NHLH2: variants seen among roughly 807,000 people sequenced by gnomAD.
The protein encoded by NHLH2 is helix-loop-helix protein 2.
NHLH2 carries 7 observed loss-of-function variants against 7.3 expected under a neutral mutation model. That is an observed-to-expected ratio of 0.96 (90% CI 0.55 to 1.81). NHLH2 has a LOEUF of 1.81. NHLH2 is among the 40% of genes most tolerant of loss of function. The pLI is 0.00. For missense variants in NHLH2, 155 were observed against 194.0 expected, an observed-to-expected ratio of 0.80 and a Z score of 1.19; for synonymous variants, 93 against 91.6, an observed-to-expected ratio of 1.01 and a Z score of -0.09.
chr1:115,831,787 T>C (rs1404481866), downstream of NHLH2, among the ~76,000 whole-genome samples: 2 of 152,038 alleles, frequency 1.3e-5, no homozygotes, highest in Non-Finnish European at 2.9e-5. Context: ...CTGGGCATGG[T>C]GGTACATGCC....
rs1448216448 is a variant in NHLH2 at position 115,836,789 on chromosome 1, GACATAACT to G, written c.*1168_*1175del. 1 of 151,924 alleles carries G rather than the reference GACATAACT, an allele frequency of 6.6e-6. No individual in the cohort carries two copies. Among genetic ancestry groups the G allele is most frequent in the Admixed American group, 6.6e-5 (1 of 15,246 alleles). 9.4% of individuals were successfully genotyped at this position (151,924 alleles called of 1,614,324 possible). On this transcript the variant is annotated 3_prime_UTR_variant, in exon 3 of 3. Coordinates refer to ENST00000320238, the MANE Select transcript of NHLH2 (RefSeq NM_005599.3). ...TAAACAGCTTGTAAAGGACTTCTCA[GACATAACT>G]ACAGATAAGAATAATACACTTTTTA...
chr1:115,838,488 G>A (rs1490390130), intron 2 of NHLH2, 108 bp from the exon 3 acceptor site: 1 of 1,318,146 alleles, frequency 7.6e-7, no homozygotes, highest in East Asian at 2.6e-5. Context: ...GCGCGGCCCG[G>A]GCCCCCTCCC....
rs1160568594 is a variant in NHLH2 at position 115,836,467 on chromosome 1, T to G, written c.*1498A>C. 1 of 152,564 alleles carries G rather than the reference T, an allele frequency of 6.6e-6. No individual in the cohort carries two copies. Among genetic ancestry groups the G allele is most frequent in the Non-Finnish European group, 1.5e-5 (1 of 68,018 alleles). 9.5% of individuals were successfully genotyped at this position (152,564 alleles called of 1,614,324 possible). A position where few individuals can be genotyped will look rare whatever the true frequency, so the allele number is the denominator to read the frequency against. ...GATAGAAACCAGATTATATCTATTT[T>G]CACTACAAAATATTGCATTATATAA... On this transcript the variant is annotated 3_prime_UTR_variant, in exon 3 of 3. Transcript: ENST00000320238.
At position 115,838,193 on chromosome 1, in the gene NHLH2, C is replaced by T. The variant is rs1238348168; in HGVS notation, c.180G>A (p.Pro60=). The change falls in exon 3 of 3, where the codon CCG becomes CCA. Residue 60 remains proline (P), a synonymous_variant. Transcript: ENST00000320238. The part of the protein sequence containing the change: ...GGSRAALYPH[P]QQLSREEKRR... ...GCTTCTCCTCGCGGCTCAGCTGCTG[C>T]GGGTGCGGGTAGAGCGCGGCTCGGC... 6 of 1,569,120 alleles carry T rather than the reference C, an allele frequency of 3.8e-6. No individual in the cohort carries two copies. Among genetic ancestry groups the T allele is most frequent in the East Asian group, 2.4e-5 (1 of 42,298 alleles).
downstream of NHLH2, among the ~76,000 whole-genome samples, chr1:115,833,488 G>T (rs1363240452): frequency 1.3e-5 from 2 of 151,764 alleles, no homozygotes; most frequent in Non-Finnish European, 2.9e-5. Context: ...CAAGGGGGGT[G>T]GTGTGTGAGT....
At chr1:115,833,221 TG>T (rs1557827876), downstream of NHLH2, among the ~76,000 whole-genome samples, 1 of 152,114 alleles carries the variant, frequency 6.6e-6, no homozygotes, top group South Asian at 2.1e-4. Flanking sequence ...GGTGCCCTGG[TG>T]GGGGAGTTGT....
chr1:115,833,483 G>T (rs892819889), downstream of NHLH2, among the ~76,000 whole-genome samples: 3 of 152,266 alleles, frequency 2.0e-5, no homozygotes, highest in South Asian at 2.1e-4. Flanking sequence ...GGCACCAAGG[G>T]GGGTGGTGTG....
At chr1:115,831,823 G>A (rs1028655322), downstream of NHLH2, among the ~76,000 whole-genome samples, 2 of 151,744 alleles carry the variant, frequency 1.3e-5, no homozygotes, top group Non-Finnish European at 2.9e-5. Context: ...TCGGGAGGCT[G>A]AGCCAGAAGA....
Position 115,838,130 on chromosome 1 carries a change from G to A in NHLH2, c.243C>T (p.Ala81=). The A allele has an allele frequency of 6.2e-7, 1 of 1,602,384 alleles. No individual in the cohort carries two copies. The highest frequency in any genetic ancestry group is 1.7e-4 in the Middle Eastern group (1 of 5,950). The change falls in exon 3 of 3, where the codon GCC becomes GCT. Residue 81 remains alanine (A), a synonymous_variant. Coordinates refer to ENST00000320238, the MANE Select transcript of NHLH2 (RefSeq NM_005599.3). ...RRRATAKYRS[A]HATRERIRVE... ...CGCGGATGCGCTCGCGGGTGGCGTG[G>A]GCCGAGCGGTACTTGGCCGTGGCGC... is the stretch of plus-strand genomic sequence containing the variant.
rs961686261 is a variant in NHLH2 at position 115,837,849 on chromosome 1, G to C, written c.*116C>G. On this transcript the variant is annotated 3_prime_UTR_variant, in exon 3 of 3. Coordinates refer to ENST00000320238, the MANE Select transcript of NHLH2 (RefSeq NM_005599.3). ...CGAGCTTCTTCCCCGGCCGTCTCTC[G>C]AGGCGGCCGTCTCGCTGGGCCACCG... 4 of 1,135,976 alleles carry C rather than the reference G, an allele frequency of 3.5e-6. No individual in the cohort carries two copies. Among genetic ancestry groups the C allele is most frequent in the South Asian group, 3.2e-5 (2 of 62,950 alleles). The allele number at this position is 1,135,976 out of a possible 1,614,324, so 70.4% of individuals were successfully genotyped here. A position where few individuals can be genotyped will look rare whatever the true frequency, so the allele number is the denominator to read the frequency against.
chr1:115,838,642 A>G (rs961920082), intron 2 of NHLH2: 2 of 404,244 alleles, frequency 4.9e-6, no homozygotes, highest in South Asian at 1.2e-4. Context: ...CGACTTGCAG[A>G]CGGCCACAGC....
rs1651033819 is a variant in NHLH2 at position 115,840,250 on chromosome 1, T to A, written c.-43A>T. 6.0e-6 allele frequency: 1 copy of A among 167,098 alleles called. No individual in the cohort carries two copies. The highest frequency in any genetic ancestry group is 1.5e-5 in the Non-Finnish European group (1 of 68,126). The allele number at this position is 167,098 out of a possible 1,614,324, so 10.4% of individuals were successfully genotyped here. A position where few individuals can be genotyped will look rare whatever the true frequency, so the allele number is the denominator to read the frequency against. On this transcript the variant is annotated 5_prime_UTR_variant, in exon 2 of 3. Coordinates refer to ENST00000320238, the MANE Select transcript of NHLH2 (RefSeq NM_005599.3). ...GCCTTTTTGATAATCTGTTCTCCAA[T>A]CTTTAGAGTTAAAATTCCAAGGAAT...
rs1252595282 is a variant in NHLH2 at position 115,837,850 on chromosome 1, A to T, written c.*115T>A. On this transcript the variant is annotated 3_prime_UTR_variant, in exon 3 of 3. Coordinates refer to ENST00000320238, the MANE Select transcript of NHLH2 (RefSeq NM_005599.3). ...GAGCTTCTTCCCCGGCCGTCTCTCG[A>T]GGCGGCCGTCTCGCTGGGCCACCGC... The T allele has an allele frequency of 2.6e-6, 3 of 1,139,276 alleles. No homozygotes were observed. In the African/African-American group the frequency reaches 5.0e-5, roughly 19 times the overall value. The allele number at this position is 1,139,276 out of a possible 1,614,324, so 70.6% of individuals were successfully genotyped here. A position where few individuals can be genotyped will look rare whatever the true frequency, so the allele number is the denominator to read the frequency against.
Position 115,836,489 on chromosome 1 carries a change from A to T in NHLH2, c.*1476T>A, listed in dbSNP as rs1201493925. ...TTTTCACTACAAAATATTGCATTAT[A>T]TAAAGCAACAGAGACACAAAAAAAC... is the stretch of plus-strand genomic sequence containing the variant. On this transcript the variant is annotated 3_prime_UTR_variant, in exon 3 of 3. Coordinates refer to ENST00000320238, the MANE Select transcript of NHLH2 (RefSeq NM_005599.3). 6.6e-6 allele frequency: 1 copy of T among 152,634 alleles called. No homozygotes were observed. Among genetic ancestry groups the T allele is most frequent in the African/African-American group, 2.4e-5 (1 of 41,454 alleles). 9.5% of individuals were successfully genotyped at this position (152,634 alleles called of 1,614,324 possible).
At position 115,836,554 on chromosome 1, in the gene NHLH2, T is replaced by G. The variant is rs1300055628; in HGVS notation, c.*1411A>C. ...AAATCTTTGGATAGCAGATGTGGTT[T>G]TTTTCCCTTGTCTCTAAAATACACT... On this transcript the variant is annotated 3_prime_UTR_variant, in exon 3 of 3. Coordinates refer to ENST00000320238, the MANE Select transcript of NHLH2 (RefSeq NM_005599.3). 6.6e-6 allele frequency: 1 copy of G among 152,626 alleles called. No homozygotes were observed. Among genetic ancestry groups the G allele is most frequent in the Non-Finnish European group, 1.5e-5 (1 of 68,026 alleles). The allele number at this position is 152,626 out of a possible 1,614,324, so 9.5% of individuals were successfully genotyped here. A position where few individuals can be genotyped will look rare whatever the true frequency, so the allele number is the denominator to read the frequency against.
In NHLH2 at chr1:115,838,039, T is replaced by A; in HGVS notation, c.334A>T (p.Lys112Ter). Reference sequence around the variant, plus strand: ...CGCAGGATCTCGATCTTGGAGAGCTTCTTGTCCGGGGGCAGCGTGGGCAGC... The same window carrying A: ...CGCAGGATCTCGATCTTGGAGAGCTACTTGTCCGGGGGCAGCGTGGGCAGC... Reference protein sequence around the residue: ...KLLPTLPPDKKLSKIEILRLA... With the variant: ...KLLPTLPPDK The change falls in exon 3 of 3, where the codon AAG (lysine) becomes TAG (stop). Residue 112 changes from lysine to a stop codon, truncating the protein, a stop_gained. Transcript: ENST00000320238. LOFTEE classifies it high-confidence loss of function. 1 of 1,610,260 alleles carries A rather than the reference T, an allele frequency of 6.2e-7. No individual in the cohort carries two copies. The highest frequency in any genetic ancestry group is 8.5e-7 in the Non-Finnish European group (1 of 1,178,506).
At chr1:115,839,124 T>A (rs1650978637) in intron 2 of NHLH2, 1 of 167,204 alleles carries the variant, frequency 6.0e-6, no homozygotes. Context: ...GAGCACCATC[T>A]GTCACGCAGA....
At position 115,837,747 on chromosome 1, in the gene NHLH2, C is replaced by T. The variant is rs936634288; in HGVS notation, c.*218G>A. The T allele has an allele frequency of 2.6e-5, 14 of 546,872 alleles. No individual in the cohort carries two copies. Among genetic ancestry groups the T allele is most frequent in the Admixed American group, 4.0e-5 (1 of 25,274 alleles). 33.9% of individuals were successfully genotyped at this position (546,872 alleles called of 1,614,324 possible). A position where few individuals can be genotyped will look rare whatever the true frequency, so the allele number is the denominator to read the frequency against. ...CTGGAAAATCCCCCCTGCGAGCCCC[C>T]GGGCTCGCCAGACAACCCCACCTGC... On this transcript the variant is annotated 3_prime_UTR_variant, in exon 3 of 3. Coordinates refer to ENST00000320238, the MANE Select transcript of NHLH2 (RefSeq NM_005599.3).
In NHLH2 at chr1:115,838,006, T is replaced by C; in HGVS notation, c.367A>G (p.Ile123Val). The part of the protein sequence containing the change: ...LSKIEILRLA[I>V]CYISYLNHVL... ...TGGTTGAGATAGGAGATGTAGCAGA[T>C]GGCCAGGCGCAGGATCTCGATCTTG... Residue 123 changes from isoleucine to valine, a missense_variant, in exon 3 of 3, where the codon ATC becomes GTC. Around this residue, in one of 2 missense-constraint regions of NHLH2, gnomAD observed 64 missense variants for 107.4 expected, o/e 0.60. Coordinates refer to ENST00000320238, the MANE Select transcript of NHLH2 (RefSeq NM_005599.3). 2.5e-6 allele frequency: 4 copies of C among 1,610,482 alleles called. No individual in the cohort carries two copies. The highest frequency in any genetic ancestry group is 3.4e-6 in the Non-Finnish European group (4 of 1,178,584).
Sources: gnomAD v4.1 joint callset for allele counts (sites outside exome capture counted in the v4.1 genomes callset) on GRCh38, gnomAD v4.1.1 for gene constraint, gnomAD v4.1.1 regional missense constraint, MANE v1.5 for transcripts, NCBI Gene and HGNC (gene_info 2026-07-23, HGNC 2026-07-21) for gene names.